The following CNTLN variants were observed in gnomAD, a reference collection of about 807,000 sequenced individuals.
The protein encoded by CNTLN is centlein.
A neutral mutation model predicts 180.0 loss-of-function variants in CNTLN; 212 were observed. The ratio of observed to expected loss-of-function variants is 1.18; its 90% CI spans 1.05 to 1.32. The LOEUF (loss-of-function observed/expected upper bound fraction) is 1.32, where lower values mean the gene tolerates loss of function less well. Ranked by LOEUF, CNTLN falls within the 40% of genes most tolerant of loss-of-function variation. The pLI is 0.00. For missense variants in CNTLN, 2,095 were observed against 1,610.9 expected (o/e 1.30, Z -5.14); for synonymous variants, 722 against 563.1 (o/e 1.28, Z -3.99).
intron 2 of CNTLN, among the ~76,000 whole-genome samples, chr9:17,148,633 C>T (rs368815353): frequency 6.6e-6 from 1 of 152,056 alleles, no homozygotes; most frequent in Admixed American, 6.6e-5. Context: ...AAAACAAGCA[C>T]CAAAATGTGA....
chr9:17,236,751 T>G (rs2132158520), intron 5 of CNTLN, among the ~76,000 whole-genome samples, 163 bp downstream of exon 5: 1 of 152,256 alleles, frequency 6.6e-6, no homozygotes, highest in African/African-American at 2.4e-5. Flanking sequence ...TTTTAAAAAT[T>G]GATGTTGCAA....
chr9:17,431,893 A>G (rs577873368), intron 18 of CNTLN, among the ~76,000 whole-genome samples: 1 of 152,202 alleles, frequency 6.6e-6, no homozygotes, highest in Non-Finnish European at 1.5e-5. Flanking sequence ...AAACAAATAT[A>G]TTTCATAAAC....
At chr9:17,228,132 T>C (rs1824590274) in intron 3 of CNTLN, among the ~76,000 whole-genome samples, 1 of 152,122 alleles carries the variant, frequency 6.6e-6, no homozygotes, top group African/African-American at 2.4e-5. Flanking sequence ...TTAATATCCT[T>C]AGGCATTAAG....
chr9:17,234,492 A>G (rs1173817529), intron 3 of CNTLN, among the ~76,000 whole-genome samples: 1 of 152,140 alleles, frequency 6.6e-6, no homozygotes, highest in Non-Finnish European at 1.5e-5. Context: ...ATATATTTTC[A>G]CTTTATTCCT....
chr9:17,252,429 A>G (rs967206670), intron 5 of CNTLN, among the ~76,000 whole-genome samples: 3 of 151,372 alleles, frequency 2.0e-5, no homozygotes, highest in Non-Finnish European at 4.4e-5. Flanking sequence ...CCCTTTAATA[A>G]TAGTCATTCG....
chr9:17,322,374 A>G (rs1366762839), intron 8 of CNTLN, among the ~76,000 whole-genome samples: 1 of 152,130 alleles, frequency 6.6e-6, no homozygotes, highest in Non-Finnish European at 1.5e-5. Context: ...CAAAATTTGA[A>G]CTTGTTATCA....
chr9:17,404,862 T>TGAGTAGCTGGGACTACAG (rs1827256279), intron 15 of CNTLN, among the ~76,000 whole-genome samples: 2 of 151,426 alleles, frequency 1.3e-5, no homozygotes, highest in East Asian at 3.9e-4. Context: ...CTCAGCCTCC[T>TGAGTAGCTGGGACTACAG]GAGTAGCTGG....
At chr9:17,188,585 T>G (rs1821582928) in intron 2 of CNTLN, among the ~76,000 whole-genome samples, 1 of 152,190 alleles carries the variant, frequency 6.6e-6, no homozygotes, top group Non-Finnish European at 1.5e-5. Context: ...GAAAGGATCT[T>G]AGGCAATGGG....
rs534507138 is a variant in CNTLN, at chr9:17,374,253, A to G, written c.1987+7536A>G. On this transcript the variant is annotated intron_variant, in intron 13 of 25. Transcript: ENST00000380647. ...TAATAACCAGAATATATAAGCAGCTAAAAACTACTCTGTAGGAAAAAATTT... is the reference window on the plus strand; with the variant it reads ...TAATAACCAGAATATATAAGCAGCTGAAAACTACTCTGTAGGAAAAAATTT... 2.8e-4 allele frequency among the ~76,000 whole-genome samples: 43 copies of G among 152,308 alleles called. 1 individual carries two copies. The highest frequency in any genetic ancestry group is 9.9e-4 in the African/African-American group (41 of 41,584).
At chr9:17,157,395 A>C (rs1345348279) in intron 2 of CNTLN, among the ~76,000 whole-genome samples, 1 of 152,180 alleles carries the variant, frequency 6.6e-6, no homozygotes, top group African/African-American at 2.4e-5. Context: ...AAGATGTCTG[A>C]AGAATGAGAA....
intron 12 of CNTLN, among the ~76,000 whole-genome samples, chr9:17,359,750 A>AAAAAAAAAAAAAAAAG: frequency 1.4e-5 from 2 of 138,530 alleles, no homozygotes; most frequent in South Asian, 2.5e-4. Flanking sequence ...AAAAAAAAAA[A>AAAAAAAAAAAAAAAAG]CTAGCTGGGT....
intron 5 of CNTLN, among the ~76,000 whole-genome samples, chr9:17,250,556 A>C (rs1356151359): frequency 1.3e-5 from 2 of 151,880 alleles, no homozygotes; most frequent in Non-Finnish European, 2.9e-5. Flanking sequence ...TATCTTTCTA[A>C]ATTTATAGCA....
At position 17,226,266 on chromosome 9, in the gene CNTLN, C is replaced by A; in HGVS notation, c.513C>A (p.Ala171=). 6.4e-7 allele frequency: 1 copy of A among 1,570,052 alleles called. No homozygotes were observed. The highest frequency in any genetic ancestry group is 1.8e-5 in the Admixed American group (1 of 54,474). ...KVLEILQVKD[A]KIQEFEQRES... is the part of the protein sequence containing the mutation. ...TAGAAATTCTGCAAGTCAAGGATGCCAAAATACAAGAATTTGAACAGGTTG... is the reference window on the plus strand; with the variant it reads ...TAGAAATTCTGCAAGTCAAGGATGCAAAAATACAAGAATTTGAACAGGTTG... Residue 171 remains alanine, a synonymous_variant, in exon 3 of 26, where the codon GCC becomes GCA. Coordinates refer to ENST00000380647, the MANE Select transcript of CNTLN (RefSeq NM_017738.4).
In CNTLN at chr9:17,208,000, T is replaced by C. The variant is rs144290512; in HGVS notation, c.450-18203T>C. Among the ~76,000 whole-genome samples, 254 of 152,288 alleles carry C rather than the reference T, an allele frequency of 1.7e-3. 1 individual carries two copies. The highest frequency in any genetic ancestry group is 5.8e-3 in the African/African-American group (241 of 41,568). On this transcript the variant is annotated intron_variant, in intron 2 of 25. Transcript: ENST00000380647. ...GCTCTAGCTAGGACTTCCAATACTA[T>C]GTTGAATAACAGAGGTGAAAGTGGA...
chr9:17,343,006 A>G (rs1340064324), intron 12 of CNTLN, among the ~76,000 whole-genome samples: 5 of 152,208 alleles, frequency 3.3e-5, no homozygotes, highest in African/African-American at 1.2e-4. Context: ...AGTGACCTGC[A>G]GAAGACACAA....
chr9:17,277,402 C>T (rs1297858654), intron 6 of CNTLN, among the ~76,000 whole-genome samples: 1 of 152,052 alleles, frequency 6.6e-6, no homozygotes, highest in Non-Finnish European at 1.5e-5. Flanking sequence ...TGGATTAATA[C>T]ATCTGGATTG....
Position 17,296,360 on chromosome 9 carries a change from C to T in CNTLN, c.984-1830C>T, listed in dbSNP as rs982278649. Among the ~76,000 whole-genome samples the T allele has an allele frequency of 6.6e-5, 10 of 152,122 alleles. No individual in the cohort carries two copies. The South Asian group carries it at 1.0e-3, about 16-fold the overall frequency. On this transcript the variant is annotated intron_variant, in intron 6 of 25. Transcript: ENST00000380647. Reference sequence around the variant, plus strand: ...CTAAAGATACATATATTTTGTTGTACGTTGTCCTTAAATGCAGACCAGCTA... The same window carrying T: ...CTAAAGATACATATATTTTGTTGTATGTTGTCCTTAAATGCAGACCAGCTA...
intron 2 of CNTLN, among the ~76,000 whole-genome samples, chr9:17,163,314 C>T (rs1254909343): frequency 6.6e-6 from 1 of 152,140 alleles, no homozygotes; most frequent in Non-Finnish European, 1.5e-5. Flanking sequence ...ATATATGAAT[C>T]TACTAATGCA....
At chr9:17,180,752 C>A (rs1398105483) in intron 2 of CNTLN, among the ~76,000 whole-genome samples, 2 of 151,994 alleles carry the variant, frequency 1.3e-5, no homozygotes, top group African/African-American at 4.8e-5. Context: ...TAGATTTCCC[C>A]CCTCCTATTT....
Sources: gnomAD v4.1 joint callset for allele counts (sites outside exome capture counted in the v4.1 genomes callset) on GRCh38, gnomAD v4.1.1 for gene constraint, MANE v1.5 for transcripts, NCBI Gene and HGNC (gene_info 2026-07-23, HGNC 2026-07-21) for gene names.